Variants in PRP4K observed in about 807,000 individuals in gnomAD.
PRP4K encodes pre-mRNA processing factor kinase PRP4K, also known as serine/threonine-protein kinase PRP4 homolog.
chr6:4,023,339 A>G, the PRP4K span, among the ~76,000 whole-genome samples: 1 of 152,254 alleles, frequency 6.6e-6, no homozygotes, highest in Non-Finnish European at 1.5e-5. Context: ...CTATGGAGGT[A>G]GATACGTTTA....
the PRP4K span, chr6:4,031,487 T>A: frequency 3.4e-6 from 4 of 1,189,258 alleles, no homozygotes; most frequent in Non-Finnish European, 4.7e-6. Flanking sequence ...TTCTCATTAC[T>A]GTTATTTTCT....
the PRP4K span, among the ~76,000 whole-genome samples, chr6:4,059,969 T>C: frequency 2.0e-5 from 3 of 152,190 alleles, no homozygotes; most frequent in East Asian, 5.8e-4. Flanking sequence ...ACTTTTTCAT[T>C]TAAGTTTTTT....
the PRP4K span, among the ~76,000 whole-genome samples, chr6:4,046,690 A>G: frequency 6.6e-6 from 1 of 151,192 alleles, no homozygotes; most frequent in Non-Finnish European, 1.5e-5. Flanking sequence ...CCAGAGTCCA[A>G]TTCTGTCGCC....
At chr6:4,058,033 A>G in the PRP4K span, among the ~76,000 whole-genome samples, 2 of 152,082 alleles carry the variant, frequency 1.3e-5, no homozygotes, top group Non-Finnish European at 2.9e-5. Context: ...TGTTGTTTTG[A>G]GACTGGATCT....
the PRP4K span, chr6:4,052,095 G>A: frequency 6.3e-7 from 1 of 1,576,468 alleles, no homozygotes; most frequent in South Asian, 1.2e-5. Context: ...AGCCTCTCAG[G>A]TACAATGTCA....
chr6:4,040,940 C>T, the PRP4K span: 1 of 1,598,480 alleles, frequency 6.3e-7, no homozygotes. Context: ...AAGAATAGAA[C>T]TTACCCATAA....
chr6:4,029,076 G>A, the PRP4K span, among the ~76,000 whole-genome samples: 2 of 146,652 alleles, frequency 1.4e-5, no homozygotes, highest in Non-Finnish European at 3.0e-5. Context: ...CTGGAGTGCA[G>A]TGGTGTGATC....
the PRP4K span, among the ~76,000 whole-genome samples, chr6:4,051,512 T>G: frequency 6.6e-6 from 1 of 152,032 alleles, no homozygotes; most frequent in African/African-American, 2.4e-5. Context: ...AGACAGGGTT[T>G]CGCTATGTTG....
the PRP4K span, chr6:4,021,421 T>C: frequency 1.3e-6 from 2 of 1,582,410 alleles, no homozygotes; most frequent in Admixed American, 1.8e-5. Context: ...GTCAGGAAGT[T>C]CAAGATGGCC....
the PRP4K span, chr6:4,031,437 AT>A: frequency 1.3e-6 from 1 of 748,304 alleles, no homozygotes; most frequent in Non-Finnish European, 2.0e-6. Context: ...TTCTGAAAAA[AT>A]TTTAGTGACT....
the PRP4K span, chr6:4,060,283 C>T: frequency 7.5e-6 from 6 of 795,048 alleles, no homozygotes; most frequent in Middle Eastern, 2.8e-4. The surrounding 1 kb of genome is among the most constrained non-coding windows in gnomAD (Gnocchi z 4.7). Flanking sequence ...CCAAAATGTG[C>T]ACTGTGTGTA....
the PRP4K span, among the ~76,000 whole-genome samples, chr6:4,057,961 A>G: frequency 6.6e-6 from 1 of 152,054 alleles, no homozygotes; most frequent in Non-Finnish European, 1.5e-5. Context: ...ATTTCTAAAG[A>G]TTTACACATT....
chr6:4,048,580 A>G, the PRP4K span, among the ~76,000 whole-genome samples: 1 of 151,740 alleles, frequency 6.6e-6, no homozygotes, highest in Non-Finnish European at 1.5e-5. Flanking sequence ...TTGTTTTGAG[A>G]TAGGGTCTCC....
the PRP4K span, among the ~76,000 whole-genome samples, chr6:4,058,141 G>A: frequency 1.3e-3 from 201 of 152,256 alleles, no homozygotes; most frequent in Middle Eastern, 3.4e-3. Flanking sequence ...CTCCAATGTA[G>A]CTGGGACTAC....
chr6:4,044,863 A>ATT, the PRP4K span, among the ~76,000 whole-genome samples: 9,608 of 132,208 alleles, frequency 0.073, 492 homozygotes, highest in Middle Eastern at 0.1. Context: ...TATTATTATT[A>ATT]TTTTTTTTTT....
At chr6:4,057,244 T>G in the PRP4K span, 1 of 1,546,590 alleles carries the variant, frequency 6.5e-7, no homozygotes, top group Non-Finnish European at 8.8e-7. Flanking sequence ...CTGACAAGAC[T>G]GCTGACACTT....
chr6:4,022,427 T>C, the PRP4K span, among the ~76,000 whole-genome samples: 1 of 151,836 alleles, frequency 6.6e-6, no homozygotes, highest in Non-Finnish European at 1.5e-5. Context: ...GAGAATGGAT[T>C]TTACGGCAAT....
the PRP4K span, among the ~76,000 whole-genome samples, chr6:4,030,091 T>C: frequency 1.3e-5 from 2 of 152,154 alleles, no homozygotes; most frequent in African/African-American, 4.8e-5. Context: ...TATAGGCATG[T>C]GCCGCTACAT....
chr6:4,041,576 C>T, the PRP4K span, among the ~76,000 whole-genome samples: 1 of 152,082 alleles, frequency 6.6e-6, no homozygotes, highest in Non-Finnish European at 1.5e-5. Flanking sequence ...AAATAAAATG[C>T]AGACTTGATT....
Sources: gnomAD v4.1 joint callset for allele counts (sites outside exome capture counted in the v4.1 genomes callset) on GRCh38, gnomAD v4.1.1 for gene constraint, Gnocchi (gnomAD v3.1) non-coding constraint, MANE v1.5 for transcripts, NCBI Gene and HGNC (gene_info 2026-07-23, HGNC 2026-07-21) for gene names.